Variants in RNF103 observed in about 807,000 individuals in gnomAD.
RNF103 encodes ring finger protein 103.
In RNF103, 23 loss-of-function variants were observed where a neutral mutation model predicts 66.2. The ratio of observed to expected loss-of-function variants is 0.35; its 90% CI spans 0.25 to 0.49. The LOEUF (loss-of-function observed/expected upper bound fraction) is 0.49. Among genes scored for constraint, RNF103 ranks in the 20% least tolerant of loss-of-function variants. The pLI, the probability that RNF103 is intolerant of heterozygous loss-of-function variation, is 0.98. For synonymous variants in RNF103, 297 were observed against 289.9 expected (o/e 1.02, Z -0.25); for missense variants, 730 against 814.7 (o/e 0.90, Z 1.27).
At chr2:86,620,299 C>G in intron 2 of RNF103, 31 bp downstream of exon 2, 1 of 1,554,842 alleles carries the variant, frequency 6.4e-7, no homozygotes, top group South Asian at 1.2e-5. Context: ...TTAGGGCTCT[C>G]GAATTATCAA....
rs534907712 is a variant in RNF103 at position 86,608,260 on chromosome 2, G to A, written c.483-2842C>T. Among the ~76,000 whole-genome samples the A allele has an allele frequency of 7.2e-5, 11 of 152,232 alleles. No individual in the cohort carries two copies. The East Asian group carries it at 2.1e-3, about 29-fold the overall frequency. On this transcript the variant is annotated intron_variant, in intron 3 of 3. Transcript: ENST00000237455. ...CCAGCACTTTGGGAGGCCAAGGTGG[G>A]TGGATCACTTGAGGCCAGGAGTTTG...
Position 86,604,510 on chromosome 2 carries a change from C to G in RNF103, c.1391G>C (p.Ser464Thr). 6.2e-7 allele frequency: 1 copy of G among 1,614,218 alleles called. No individual in the cohort carries two copies. The highest frequency in any genetic ancestry group is 8.5e-7 in the Non-Finnish European group (1 of 1,180,042). Residue 464 changes from serine to threonine, a missense_variant, in exon 4 of 4, where the codon AGC (serine) becomes ACC (threonine). Ser to Thr is a moderately conservative substitution (Grantham distance 58). Coordinates refer to ENST00000237455, the MANE Select transcript of RNF103 (RefSeq NM_005667.4). ...AGAAGCAATCGGGTGGAAGAGGTAG[C>G]TGGTGTACCAGTCCCACAGACTTGA... is the stretch of plus-strand genomic sequence containing the variant. Reference protein sequence around the residue: ...WLSSLWDWYTSYLFHPIASFQ... With the variant: ...WLSSLWDWYTTYLFHPIASFQ...
In RNF103 at chr2:86,622,815, G is replaced by A; in HGVS notation, c.72C>T (p.Ala24=). ...VLFVLARFFE[A]IVWYETGIFA... ...AGATGCCAGTTTCATACCACACAAT[G>A]GCCTCAAAAAACCTGGCCAGGACGA... Residue 24 remains alanine (A), a synonymous_variant, in exon 1 of 4, where the codon GCC becomes GCT. Coordinates refer to ENST00000237455, the MANE Select transcript of RNF103 (RefSeq NM_005667.4). 1 of 1,614,106 alleles carries A rather than the reference G, an allele frequency of 6.2e-7. No homozygotes were observed. The highest frequency in any genetic ancestry group is 1.7e-5 in the Admixed American group (1 of 60,028).
intron 2 of RNF103, chr2:86,616,778 T>C (rs758733532): frequency 2.0e-5 from 20 of 985,320 alleles, no homozygotes; most frequent in Admixed American, 6.1e-5. Context: ...GGAACAAATA[T>C]GTCCTTCTTT....
At chr2:86,612,502 CAGTT>C in intron 2 of RNF103, 1 of 376,158 alleles carries the variant, frequency 2.7e-6, no homozygotes, top group South Asian at 4.5e-5. Flanking sequence ...CACTCTGTGG[CAGTT>C]ACAAAGAGAG....
rs1679179523 is a variant in RNF103, at chr2:86,620,313, A to C, written c.366+17T>G. 1.9e-6 allele frequency: 3 copies of C among 1,580,070 alleles called. No individual in the cohort carries two copies. Among genetic ancestry groups the C allele is most frequent in the Non-Finnish European group, 2.6e-6 (3 of 1,157,996 alleles). On this transcript the variant is annotated intron_variant, in intron 2 of 3. Transcript: ENST00000237455. ...TTTAGGGCTCTCGAATTATCAAATT[A>C]TTACTGCTTTTCATACCTGAACCAG...
chr2:86,620,317 C>A lies in RNF103; in HGVS notation c.366+13G>T. The stretch of plus-strand genomic sequence containing the variant: ...GGGCTCTCGAATTATCAAATTATTA[C>A]TGCTTTTCATACCTGAACCAGCCAG... On this transcript the variant is annotated intron_variant, in intron 2 of 3. Transcript: ENST00000237455. The A allele has an allele frequency of 6.3e-7, 1 of 1,582,448 alleles. No homozygotes were observed. Among genetic ancestry groups the A allele is most frequent in the Admixed American group, 1.8e-5 (1 of 56,990 alleles).
intron 2 of RNF103, among the ~76,000 whole-genome samples, chr2:86,619,118 T>C (rs1317676793): frequency 6.6e-6 from 1 of 152,174 alleles, no homozygotes; most frequent in Non-Finnish European, 1.5e-5. Flanking sequence ...CATTTTATCC[T>C]TTTTAGATGT....
intron 3 of RNF103, among the ~76,000 whole-genome samples, chr2:86,606,662 C>CAAAA (rs200897796): frequency 1.0e-3 from 100 of 96,886 alleles, no homozygotes; most frequent in African/African-American, 1.6e-3. Flanking sequence ...AACTTCGTCT[C>CAAAA]AAAAAAAAAA....
Position 86,604,505 on chromosome 2 carries a change from G to C in RNF103, c.1396C>G (p.Leu466Val), listed in dbSNP as rs751376769. 1 of 1,614,234 alleles carries C rather than the reference G, an allele frequency of 6.2e-7. No homozygotes were observed. Among genetic ancestry groups the C allele is most frequent in the Non-Finnish European group, 8.5e-7 (1 of 1,180,046 alleles). The change falls in exon 4 of 4, where the codon CTC becomes GTC. Residue 466 changes from leucine to valine, a missense_variant. Leu to Val is a conservative substitution (Grantham distance 32). Coordinates refer to ENST00000237455, the MANE Select transcript of RNF103 (RefSeq NM_005667.4). ...TGAAAAGAAGCAATCGGGTGGAAGA[G>C]GTAGCTGGTGTACCAGTCCCACAGA... ...SSLWDWYTSY[L>V]FHPIASFQNF...
Position 86,604,450 on chromosome 2 carries a change from T to C in RNF103, c.1451A>G (p.Glu484Gly). The change falls in exon 4 of 4, where the codon GAA (glutamate) becomes GGA (glycine). Residue 484 changes from glutamate (E) to glycine (G), a missense_variant. Physicochemically the swap from Glu to Gly is moderately conservative, Grantham distance 98 (BLOSUM62 -2). Around this residue, in one of 3 missense-constraint regions of RNF103, gnomAD observed 355 missense variants for 351.9 expected, o/e 1.01. Transcript: ENST00000237455. The part of the protein sequence containing the change: ...QNFPVESDWD[E>G]DPDLFLERLA... ...GCGCTCCAAGAATAAGTCAGGGTCT[T>C]CGTCCCAATCAGATTCTACAGGAAA... is the stretch of plus-strand genomic sequence containing the variant. The C allele has an allele frequency of 6.2e-7, 1 of 1,614,206 alleles. No individual in the cohort carries two copies. The highest frequency in any genetic ancestry group is 8.5e-7 in the Non-Finnish European group (1 of 1,180,038).
At chr2:86,610,006 T>C (rs1285425792) in intron 3 of RNF103, among the ~76,000 whole-genome samples, 1 of 152,218 alleles carries the variant, frequency 6.6e-6, no homozygotes, top group African/African-American at 2.4e-5. Context: ...TGTTCTTCTA[T>C]ATCTCCATAG....
At position 86,607,502 on chromosome 2, in the gene RNF103, T is replaced by C. The variant is rs186273356; in HGVS notation, c.483-2084A>G. 1.6e-3 allele frequency among the ~76,000 whole-genome samples: 245 copies of C among 152,176 alleles called. 2 individuals are homozygous for C. The highest frequency in any genetic ancestry group is 3.8e-3 in the Admixed American group (58 of 15,292). ...ATCACAGACTGTGACTCTTAGCTTC[T>C]TGTTGAGTTGATTCACTACCTTAAT... is the stretch of plus-strand genomic sequence containing the variant. On this transcript the variant is annotated intron_variant, in intron 3 of 3. Coordinates refer to ENST00000237455, the MANE Select transcript of RNF103 (RefSeq NM_005667.4).
chr2:86,611,256 A>C (rs899711297), intron 3 of RNF103, among the ~76,000 whole-genome samples: 6 of 152,118 alleles, frequency 3.9e-5, no homozygotes, highest in Admixed American at 2.0e-4. Context: ...TAAGGAGACT[A>C]AATGTGAGTT....
At chr2:86,619,476 G>T (rs1038229085) in intron 2 of RNF103, among the ~76,000 whole-genome samples, 3 of 151,982 alleles carry the variant, frequency 2.0e-5, no homozygotes, top group Non-Finnish European at 4.4e-5. Context: ...TCTCAGAAAG[G>T]GTTAGTCTGA....
chr2:86,614,887 G>C (rs1211764002), intron 2 of RNF103: 1 of 985,210 alleles, frequency 1.0e-6, no homozygotes, highest in Non-Finnish European at 1.2e-6. Context: ...TCTTGATCAA[G>C]GTTGCAAATA....
chr2:86,618,286 A>C, intron 2 of RNF103: 2 of 205,510 alleles, frequency 9.7e-6, no homozygotes, highest in South Asian at 6.3e-5. Flanking sequence ...CTTTCCACTA[A>C]CTGATGTTAT....
At position 86,605,397 on chromosome 2, in the gene RNF103, C is replaced by A. The variant is rs755692187; in HGVS notation, c.504G>T (p.Trp168Cys). The change falls in exon 4 of 4, where the codon TGG (tryptophan) becomes TGT (cysteine). Residue 168 changes from tryptophan (W) to cysteine (C), a missense_variant. Trp to Cys is a radical substitution (Grantham distance 215). Transcript: ENST00000237455. ...CAGACATAATGAGTGTGGATCGGAC[C>A]CAGCCTCTTCTCCTGCAATATCTAC... is the stretch of plus-strand genomic sequence containing the variant. ...SDPRYCRRRG[W>C]VRSTLIMSVP... 6 of 1,608,404 alleles carry A rather than the reference C, an allele frequency of 3.7e-6. No individual in the cohort carries two copies. In the South Asian group the frequency reaches 6.6e-5, roughly 18 times the overall value.
At chr2:86,615,426 T>TA (rs1678975903) in intron 2 of RNF103, among the ~76,000 whole-genome samples, 1 of 151,510 alleles carries the variant, frequency 6.6e-6, no homozygotes, top group South Asian at 2.1e-4. Flanking sequence ...CCAACCACTA[T>TA]AAAAATGCTA....
Sources: allele counts gnomAD v4.1 joint callset (sites outside exome capture counted in the v4.1 genomes callset), GRCh38; gene constraint gnomAD v4.1.1; regional missense constraint gnomAD v4.1.1; transcripts MANE v1.5; gene names NCBI Gene and HGNC (gene_info 2026-07-23, HGNC 2026-07-21).